Variants in TRIM34 observed in about 807,000 individuals in gnomAD.
TRIM34 encodes E3 ubiquitin-protein ligase TRIM34.
TRIM34 carries 41 observed loss-of-function variants against 38.1 expected under a neutral mutation model. That is an observed-to-expected ratio of 1.08 (90% CI 0.84 to 1.40). The LOEUF (loss-of-function observed/expected upper bound fraction) is 1.40. Ranked by LOEUF, TRIM34 falls within the 40% of genes most tolerant of loss-of-function variation. TRIM34 has a pLI of 0.00. For synonymous variants in TRIM34, 200 were observed against 202.5 expected, an observed-to-expected ratio of 0.99 and a Z score of 0.10; for missense variants, 556 against 571.4, an observed-to-expected ratio of 0.97 and a Z score of 0.27.
At chr11:5,624,893 T>TC (rs937038388), upstream of TRIM34, 2 of 152,316 alleles carry the variant, frequency 1.3e-5, no homozygotes, top group African/African-American at 4.8e-5. Context: ...CCTTTTCTCT[T>TC]CCTGACAGCC....
At chr11:5,637,720 C>T (rs931917427) in intron 4 of TRIM34, among the ~76,000 whole-genome samples, 2 of 152,132 alleles carry the variant, frequency 1.3e-5, no homozygotes, top group Admixed American at 1.3e-4. Flanking sequence ...TGAAACTGTA[C>T]CCATTAAAAA....
Position 5,644,077 on chromosome 11 carries a change from T to C in TRIM34, c.*368T>C. On this transcript the variant is annotated 3_prime_UTR_variant, in exon 8 of 8. Transcript: ENST00000429814. ...ACCACCCCCATGACCACCACCAACA[T>C]CAACTAAAGGTTCTTGGAGGGTATG... The C allele has an allele frequency of 2.4e-6, 1 of 413,754 alleles. No homozygotes were observed. Among genetic ancestry groups the C allele is most frequent in the Non-Finnish European group, 4.2e-6 (1 of 236,024 alleles). The allele number at this position is 413,754 out of a possible 1,614,324, so 25.6% of individuals were successfully genotyped here.
upstream of TRIM34, among the ~76,000 whole-genome samples, chr11:5,620,340 G>C (rs888952131): frequency 1.3e-5 from 2 of 151,598 alleles, no homozygotes; most frequent in African/African-American, 4.8e-5. Context: ...ACTGCACCCA[G>C]CTAAGCTTTT....
chr11:5,624,095 G>A (rs1009156715), upstream of TRIM34, among the ~76,000 whole-genome samples: 1 of 152,106 alleles, frequency 6.6e-6, no homozygotes, highest in Non-Finnish European at 1.5e-5. Context: ...TTTCCTCCTC[G>A]TTCGGTTTGA....
chr11:5,632,189 TG>T, intron 1 of TRIM34, 65 bp from the exon 2 acceptor site: 1 of 1,518,296 alleles, frequency 6.6e-7, no homozygotes, highest in Non-Finnish European at 8.8e-7. Context: ...CAGTCTTTAT[TG>T]TCTGTGCAAT....
At chr11:5,635,082 T>C (rs2133935244) in intron 4 of TRIM34, among the ~76,000 whole-genome samples, 1 of 152,286 alleles carries the variant, frequency 6.6e-6, no homozygotes, top group Middle Eastern at 3.4e-3. Flanking sequence ...AGTTATAGTC[T>C]CTAGGCCCCT....
chr11:5,643,002 G>A (rs999188540), intron 7 of TRIM34, 142 bp from the exon 8 acceptor site: 6 of 1,330,734 alleles, frequency 4.5e-6, no homozygotes, highest in Admixed American at 2.8e-5. Context: ...CAATTCATCA[G>A]TGCAAGTTTT....
intron 4 of TRIM34, among the ~76,000 whole-genome samples, chr11:5,639,661 CAG>C (rs1348078034): frequency 1.9e-5 from 2 of 106,592 alleles, no homozygotes; most frequent in African/African-American, 7.4e-5. Flanking sequence ...GCCTGGGTGA[CAG>C]AGTGAGACTC....
At chr11:5,636,041 C>T (rs547204720) in intron 4 of TRIM34, among the ~76,000 whole-genome samples, 1 of 152,146 alleles carries the variant, frequency 6.6e-6, no homozygotes, top group South Asian at 2.1e-4. Context: ...TACCTATATA[C>T]CTAGAAGAAC....
chr11:5,625,547 C>T (rs113139184), intron 1 of TRIM34, among the ~76,000 whole-genome samples: 3 of 152,118 alleles, frequency 2.0e-5, no homozygotes, highest in Non-Finnish European at 4.4e-5. Flanking sequence ...CATGGGAGCA[C>T]GGCCAGGGGT....
intron 4 of TRIM34, among the ~76,000 whole-genome samples, chr11:5,640,630 G>A (rs575520555): frequency 7.2e-5 from 11 of 152,156 alleles, no homozygotes; most frequent in Non-Finnish European, 1.3e-4. Flanking sequence ...TCTTTTATCA[G>A]GGTCCTTTAT....
At chr11:5,642,977 A>G in intron 7 of TRIM34, 134 bp downstream of exon 7, 1 of 1,402,490 alleles carries the variant, frequency 7.1e-7, no homozygotes, top group Non-Finnish European at 9.6e-7. Context: ...ACATTTCTCC[A>G]GTGTTTTACC....
Position 5,633,833 on chromosome 11 carries a change from G to A in TRIM34, c.453G>A (p.Leu151=). ...QEKLQAVLKR[L]KKEEEEAEKL... The stretch of plus-strand genomic sequence containing the variant: ...AACTCCAGGCAGTCCTCAAGAGGCT[G>A]AAGAAGGAAGAGGAGGAAGCTGAGA... The change falls in exon 3 of 8, where the codon CTG becomes CTA. Residue 151 remains leucine, a synonymous_variant. Transcript: ENST00000429814. 6.2e-6 allele frequency: 10 copies of A among 1,614,096 alleles called. No homozygotes were observed. The highest frequency in any genetic ancestry group is 8.5e-6 in the Non-Finnish European group (10 of 1,179,974).
In TRIM34 at chr11:5,632,616, T is replaced by G. The variant is rs1849529126; in HGVS notation, c.285T>G (p.Asp95Glu). ...GCCCAGACAATGGGAAGAAGAGAGATCTCTGTGATCATCATGGAGAGAAAC... is the reference window on the plus strand; with the variant it reads ...GCCCAGACAATGGGAAGAAGAGAGAGCTCTGTGATCATCATGGAGAGAAAC... ...KLSPDNGKKR[D>E]LCDHHGEKLL... The change falls in exon 2 of 8, where the codon GAT becomes GAG. Residue 95 changes from aspartate (D) to glutamate (E), a missense_variant. By Grantham distance (45) the Asp-to-Glu change is conservative (BLOSUM62 2). Coordinates refer to ENST00000429814, the MANE Select transcript of TRIM34 (RefSeq NM_021616.6). 1 of 1,612,946 alleles carries G rather than the reference T, an allele frequency of 6.2e-7. No individual in the cohort carries two copies. Among genetic ancestry groups the G allele is most frequent in the African/African-American group, 1.3e-5 (1 of 74,534 alleles).
intron 1 of TRIM34, among the ~76,000 whole-genome samples, chr11:5,629,191 C>T (rs1262547806): frequency 3.3e-5 from 5 of 151,966 alleles, no homozygotes; most frequent in Non-Finnish European, 7.4e-5. Context: ...GCAGGAGAAT[C>T]GCTTGAACCT....
At chr11:5,639,697 AAAAAAAAAAAG>A (rs1307507311) in intron 4 of TRIM34, among the ~76,000 whole-genome samples, 2,737 of 149,716 alleles carry the variant, frequency 0.018, 102 homozygotes, top group African/African-American at 0.062. Flanking sequence ...AAAAAAAAAA[AAAAAAAAAAAG>A]ATTGGAAGAG....
intron 1 of TRIM34, chr11:5,626,866 G>T (rs1849265159): frequency 6.7e-6 from 1 of 150,246 alleles, no homozygotes; most frequent in African/African-American, 2.5e-5. Context: ...TGGGGGAAAA[G>T]AGCAAGACTC....
At chr11:5,620,764 T>G (rs1029882629), upstream of TRIM34, among the ~76,000 whole-genome samples, 10 of 152,156 alleles carry the variant, frequency 6.6e-5, no homozygotes, top group African/African-American at 1.9e-4. Flanking sequence ...CAGATTAGCT[T>G]CTTCTTTCCA....
intron 4 of TRIM34, among the ~76,000 whole-genome samples, chr11:5,635,492 G>A (rs546414093): frequency 3.7e-4 from 57 of 152,094 alleles, no homozygotes; most frequent in Admixed American, 1.4e-3. Context: ...TCCTGACCTC[G>A]TGGTCCGCCT....
Sources: gnomAD v4.1 joint callset for allele counts (sites outside exome capture counted in the v4.1 genomes callset) on GRCh38, gnomAD v4.1.1 for gene constraint, MANE v1.5 for transcripts, NCBI Gene and HGNC (gene_info 2026-07-23, HGNC 2026-07-21) for gene names.